The following FGD3 variants were observed in gnomAD, a reference collection of about 807,000 sequenced individuals.
The protein encoded by FGD3 is FYVE, RhoGEF and PH domain containing 3.
In FGD3, 45 loss-of-function variants were observed where a neutral mutation model predicts 71.8. The observed-to-expected ratio is 0.63, with a 90% confidence interval of 0.49 to 0.80. The LOEUF (loss-of-function observed/expected upper bound fraction) is 0.80, where lower values mean the gene tolerates loss of function less well. FGD3 is among the 30% of genes least tolerant of loss of function. The pLI is 0.00. For synonymous variants in FGD3, 378 were observed against 392.8 expected, an observed-to-expected ratio of 0.96 and a Z score of 0.44; for missense variants, 844 against 951.5, an observed-to-expected ratio of 0.89 and a Z score of 1.49.
intron 10 of FGD3, among the ~76,000 whole-genome samples, chr9:93,017,095 C>T (rs917286442): frequency 6.6e-6 from 1 of 152,008 alleles, no homozygotes; most frequent in African/African-American, 2.4e-5. Flanking sequence ...GTAGTGAAAC[C>T]GTGTCTCTAT....
rs770968303 is a variant in FGD3 at position 93,022,306 on chromosome 9, C to T, written c.1495-21C>T. ...CGTGGCCCTGGAATCTCCTCTCACT[C>T]GGCCTCTGTGTCCCTTCTAGATCAC... On this transcript the variant is annotated intron_variant, in intron 13 of 17. Transcript: ENST00000375482. 1.1e-5 allele frequency: 17 copies of T among 1,606,046 alleles called. 1 individual carries two copies. In the South Asian group the frequency reaches 1.3e-4, roughly 12 times the overall value.
chr9:92,995,936 C>CT (rs563849686), intron 3 of FGD3, among the ~76,000 whole-genome samples: 2,902 of 151,182 alleles, frequency 0.019, 44 homozygotes, highest in Middle Eastern at 0.034. Flanking sequence ...CTAAAATTCT[C>CT]TTTTTTTTTG....
chr9:93,020,653 C>G (rs897005266), intron 13 of FGD3: 15 of 498,154 alleles, frequency 3.0e-5, no homozygotes, highest in African/African-American at 1.4e-4. Flanking sequence ...ACACCCACCC[C>G]CTACAACCCC....
At chr9:92,967,694 C>A (rs1859380964) in intron 1 of FGD3, among the ~76,000 whole-genome samples, 1 of 152,246 alleles carries the variant, frequency 6.6e-6, no homozygotes, top group Non-Finnish European at 1.5e-5. Flanking sequence ...CCTGCCTCAG[C>A]CTCCCAAGTA....
At chr9:92,996,062 C>T (rs1339310304) in intron 3 of FGD3, among the ~76,000 whole-genome samples, 1 of 152,154 alleles carries the variant, frequency 6.6e-6, no homozygotes, top group Non-Finnish European at 1.5e-5. Flanking sequence ...GTACCAGCTC[C>T]TCTTTGTACC....
intron 16 of FGD3, 46 bp downstream of exon 16, chr9:93,032,919 C>A (rs1359188254): frequency 5.3e-6 from 8 of 1,518,860 alleles, no homozygotes; most frequent in Non-Finnish European, 7.3e-6. Flanking sequence ...CGCGGCAGAG[C>A]CTCCAGACAC....
chr9:93,014,061 G>A (rs1182431959), intron 9 of FGD3, 63 bp downstream of exon 9: 1 of 1,534,152 alleles, frequency 6.5e-7, no homozygotes, highest in African/African-American at 1.4e-5. Context: ...CAAGCCCAGG[G>A]CAGTGCCAGG....
intron 1 of FGD3, among the ~76,000 whole-genome samples, chr9:92,970,124 C>T (rs73510553): frequency 0.04 from 6,056 of 152,212 alleles, 395 homozygotes; most frequent in African/African-American, 0.13. Context: ...TAGGCATAGC[C>T]CTGGGCGGAC....
At chr9:93,029,835 T>C in intron 14 of FGD3, 39 bp from the exon 15 acceptor site, 1 of 1,600,052 alleles carries the variant, frequency 6.2e-7, no homozygotes, top group Non-Finnish European at 8.5e-7. Flanking sequence ...GGTGCACACA[T>C]GATTCAGAAG....
rs567655096 is a variant in FGD3 at position 92,952,789 on chromosome 9, A to C, written c.-218+5060A>C. On this transcript the variant is annotated intron_variant, in intron 1 of 17. Transcript: ENST00000375482. The stretch of plus-strand genomic sequence containing the variant: ...TCATTCTTTCCCTTTTTTCTTCTTT[A>C]GAATAGTGCTGCTGTGATCACCCTT... Among the ~76,000 whole-genome samples the C allele has an allele frequency of 1.4e-3, 207 of 144,998 alleles. 1 individual carries two copies. Among genetic ancestry groups the C allele is most frequent in the African/African-American group, 5.0e-3 (197 of 39,054 alleles).
intron 1 of FGD3, among the ~76,000 whole-genome samples, chr9:92,964,697 C>T (rs985391308): frequency 6.6e-5 from 10 of 152,140 alleles, no homozygotes; most frequent in African/African-American, 1.9e-4. Flanking sequence ...GTGTCCCCAT[C>T]GAAGGCTGGC....
intron 7 of FGD3, among the ~76,000 whole-genome samples, chr9:93,010,948 TGGCTGGCA>T (rs1861324173): frequency 6.6e-6 from 1 of 151,512 alleles, no homozygotes; most frequent in East Asian, 2.1e-4. Flanking sequence ...GCAACTGGTG[TGGCTGGCA>T]GGCAGCCCGG....
chr9:93,015,677 G>T, intron 9 of FGD3, 60 bp from the exon 10 acceptor site: 1 of 1,366,348 alleles, frequency 7.3e-7, no homozygotes, highest in Non-Finnish European at 1.0e-6. Context: ...AAGCTCACTG[G>T]GGCCCCTGGG....
chr9:92,989,207 C>T (rs2118638766), intron 3 of FGD3, among the ~76,000 whole-genome samples: 1 of 152,304 alleles, frequency 6.6e-6, no homozygotes, highest in African/African-American at 2.4e-5. Context: ...CGTGCCACCA[C>T]ACCTGGATAA....
Position 92,969,531 on chromosome 9 carries a change from A to G in FGD3, c.-217-5707A>G, listed in dbSNP as rs969860511. Among the ~76,000 whole-genome samples the G allele has an allele frequency of 6.6e-6, 1 of 152,196 alleles. No individual in the cohort carries two copies. Among genetic ancestry groups the G allele is most frequent in the African/African-American group, 2.4e-5 (1 of 41,462 alleles). On this transcript the variant is annotated intron_variant, in intron 1 of 17. Transcript: ENST00000375482. The surrounding 1 kb of genome is among the most constrained non-coding windows in gnomAD (Gnocchi z 4.5). ...CTAACGCGTTTGTTGCTCCCCCTACATAACATGCCATTGTTATGGAGCCTC... is the reference window on the plus strand; with the variant it reads ...CTAACGCGTTTGTTGCTCCCCCTACGTAACATGCCATTGTTATGGAGCCTC...
At chr9:93,022,120 C>A (rs1291852505) in intron 13 of FGD3, among the ~76,000 whole-genome samples, 1 of 152,214 alleles carries the variant, frequency 6.6e-6, no homozygotes, top group Non-Finnish European at 1.5e-5. Context: ...GGAGATGCTC[C>A]TTCTAGGAGA....
intron 8 of FGD3, among the ~76,000 whole-genome samples, chr9:93,012,048 G>A (rs1402352302): frequency 6.6e-6 from 1 of 151,122 alleles, no homozygotes; most frequent in East Asian, 1.9e-4. Flanking sequence ...CAGCTACTCA[G>A]GAGGCTGAGG....
At chr9:93,025,257 G>C (rs1306412912) in intron 14 of FGD3, among the ~76,000 whole-genome samples, 1 of 152,224 alleles carries the variant, frequency 6.6e-6, no homozygotes, top group East Asian at 1.9e-4. Context: ...CTGGTCTCTT[G>C]TCTCTGTCCC....
At chr9:92,989,887 G>C (rs1000308921) in intron 3 of FGD3, among the ~76,000 whole-genome samples, 1 of 126,036 alleles carries the variant, frequency 7.9e-6, no homozygotes, top group Non-Finnish European at 1.7e-5. Flanking sequence ...TTGGGGTCCT[G>C]TGTTTTTTTT....
Sources: gnomAD v4.1 joint callset for allele counts (sites outside exome capture counted in the v4.1 genomes callset) on GRCh38, gnomAD v4.1.1 for gene constraint, Gnocchi (gnomAD v3.1) non-coding constraint, MANE v1.5 for transcripts, NCBI Gene and HGNC (gene_info 2026-07-23, HGNC 2026-07-21) for gene names.